STK32B: variants seen among roughly 807,000 people sequenced by gnomAD.
The protein encoded by STK32B is serine/threonine kinase 32B, also known as serine/threonine-protein kinase 32B.
Under a neutral mutation model 52.6 loss-of-function variants are expected in STK32B, and 43 were observed. That is an observed-to-expected ratio of 0.82 (90% confidence interval 0.64 to 1.05). The LOEUF (loss-of-function observed/expected upper bound fraction) is 1.05. Among genes scored for constraint, STK32B ranks in the 50% least tolerant of loss-of-function variants. STK32B has a pLI of 0.00. For synonymous variants in STK32B, 238 were observed against 204.3 expected (o/e 1.17, Z -1.41); for missense variants, 621 against 534.6 (o/e 1.16, Z -1.59).
intron 3 of STK32B, among the ~76,000 whole-genome samples, chr4:5,227,086 A>G (rs1311303572): frequency 3.9e-5 from 6 of 152,210 alleles, no homozygotes; most frequent in Admixed American, 3.3e-4. Context: ...TTTGGTTGAA[A>G]TATATGAAGA....
At chr4:5,496,912 G>C (rs1720313416) in intron 11 of STK32B, among the ~76,000 whole-genome samples, 1 of 152,096 alleles carries the variant, frequency 6.6e-6, no homozygotes, top group African/African-American at 2.4e-5. Context: ...GAGTTTTAGA[G>C]AAGTTTTGAA....
the STK32B span, among the ~76,000 whole-genome samples, chr4:5,031,904 C>T: frequency 6.6e-6 from 1 of 152,156 alleles, no homozygotes; most frequent in African/African-American, 2.4e-5. Context: ...TGGTCGCTCT[C>T]ACCAGATCTG....
chr4:5,271,145 C>T (rs1210822659), intron 3 of STK32B, among the ~76,000 whole-genome samples: 1 of 152,132 alleles, frequency 6.6e-6, no homozygotes, highest in Non-Finnish European at 1.5e-5. Context: ...ACCATGTTGG[C>T]CAAGCTGGTC....
chr4:5,197,551 C>A (rs934923513), intron 3 of STK32B, among the ~76,000 whole-genome samples: 5 of 152,174 alleles, frequency 3.3e-5, no homozygotes, highest in Admixed American at 1.3e-4. Context: ...CCTTATTTAT[C>A]TCCACTAAAA....
rs1049066875 is a variant in STK32B at position 5,301,069 on chromosome 4, A to G, written c.261-30151A>G. ...ATAAGTTTTATCTTTTATTCTATTA[A>G]TATTATATTTTAGACTGATTTTCGT... is the stretch of plus-strand genomic sequence containing the variant. On this transcript the variant is annotated intron_variant, in intron 3 of 11. Transcript: ENST00000282908. Among the ~76,000 whole-genome samples, 6 of 152,124 alleles carry G rather than the reference A, an allele frequency of 3.9e-5. No individual in the cohort carries two copies. In the East Asian group the frequency reaches 1.2e-3, roughly 29 times the overall value.
At chr4:5,183,799 A>G (rs1257120304) in intron 3 of STK32B, among the ~76,000 whole-genome samples, 1 of 152,130 alleles carries the variant, frequency 6.6e-6, no homozygotes, top group Non-Finnish European at 1.5e-5. Context: ...ATGTCCTGGA[A>G]ACAGCTTTTT....
In STK32B at chr4:5,140,279, T is replaced by C. The variant is rs565449184; in HGVS notation, c.108+319T>C. 3.7e-6 allele frequency: 5 copies of C among 1,369,454 alleles called. No homozygotes were observed. In the South Asian group the frequency reaches 4.9e-5, roughly 13 times the overall value. The allele number at this position is 1,369,454 out of a possible 1,614,324, so 84.8% of individuals were successfully genotyped here. A position where few individuals can be genotyped will look rare whatever the true frequency, so the allele number is the denominator to read the frequency against. On this transcript the variant is annotated intron_variant, in intron 2 of 11. Coordinates refer to ENST00000282908, the MANE Select transcript of STK32B (RefSeq NM_018401.3). ...CATAAACATCACAAAGGCAGCTCTT[T>C]CCAGCAACATAGACGTTTGTTGTTT... is the stretch of plus-strand genomic sequence containing the variant.
intron 9 of STK32B, 109 bp from the exon 10 acceptor site, chr4:5,466,594 T>C (rs1717451760): frequency 7.2e-7 from 1 of 1,379,342 alleles, no homozygotes; most frequent in South Asian, 1.5e-5. Context: ...CCAACAAGAG[T>C]AAGTTCATCA....
chr4:5,460,354 T>A lies in STK32B; in HGVS notation c.909+126T>A. On this transcript the variant is annotated intron_variant, in intron 9 of 11. Coordinates refer to ENST00000282908, the MANE Select transcript of STK32B (RefSeq NM_018401.3). This position sits in a 1 kb window ranked among gnomAD's most constrained non-coding sequence, Gnocchi z 4.8. ...CCACTTCCACCTGAGCACCAAGGGC[T>A]TATGTCTTGCTGGAATTCAGGGTGA... 7.1e-7 allele frequency: 1 copy of A among 1,413,944 alleles called. No individual in the cohort carries two copies. The highest frequency in any genetic ancestry group is 2.4e-5 in the East Asian group (1 of 42,350). 87.6% of individuals were successfully genotyped at this position (1,413,944 alleles called of 1,614,324 possible).
At chr4:5,112,286 ATC>A (rs1714446001) in intron 1 of STK32B, among the ~76,000 whole-genome samples, 1 of 152,162 alleles carries the variant, frequency 6.6e-6, no homozygotes, top group East Asian at 1.9e-4. Context: ...TAGAATGTAG[ATC>A]TATATAAAAA....
intron 5 of STK32B, among the ~76,000 whole-genome samples, chr4:5,411,285 T>G (rs1241517188): frequency 6.6e-6 from 1 of 152,082 alleles, no homozygotes; most frequent in Non-Finnish European, 1.5e-5. Context: ...TCTGCCCACC[T>G]CGGCCTCCCA....
At chr4:5,391,507 G>C (rs1736596191) in intron 4 of STK32B, among the ~76,000 whole-genome samples, 1 of 152,188 alleles carries the variant, frequency 6.6e-6, no homozygotes, top group Non-Finnish European at 1.5e-5. Flanking sequence ...AATATCCCAG[G>C]AGAAGATTGC....
At chr4:5,149,606 C>T (rs919348385) in intron 2 of STK32B, among the ~76,000 whole-genome samples, 5 of 151,848 alleles carry the variant, frequency 3.3e-5, no homozygotes, top group Admixed American at 2.0e-4. Flanking sequence ...GAAAACCTTA[C>T]AACTGTAGAG....
intron 5 of STK32B, among the ~76,000 whole-genome samples, chr4:5,414,521 G>C (rs1053701179): frequency 2.9e-4 from 44 of 152,258 alleles, no homozygotes; most frequent in African/African-American, 1.0e-3. Flanking sequence ...GGATGTCATA[G>C]ATAGACCTAT....
intron 2 of STK32B, among the ~76,000 whole-genome samples, chr4:5,154,332 C>T (rs948225962): frequency 1.1e-4 from 17 of 151,896 alleles, no homozygotes; most frequent in Admixed American, 1.0e-3. Context: ...TCTGCTGCCT[C>T]AGCCTCCCAA....
intron 6 of STK32B, among the ~76,000 whole-genome samples, chr4:5,422,321 G>T (rs905001283): frequency 6.6e-6 from 1 of 152,192 alleles, no homozygotes; most frequent in African/African-American, 2.4e-5. Context: ...CAAGTGGCAG[G>T]TTTGTTTATT....
intron 3 of STK32B, among the ~76,000 whole-genome samples, chr4:5,217,176 T>G (rs16836889): frequency 0.037 from 5,653 of 152,318 alleles, 320 homozygotes; most frequent in African/African-American, 0.12. Flanking sequence ...ATACAATACA[T>G]AATTTGAATT....
intron 3 of STK32B, among the ~76,000 whole-genome samples, chr4:5,223,270 A>T (rs1273847375): frequency 6.6e-6 from 1 of 152,102 alleles, no homozygotes; most frequent in Admixed American, 6.5e-5. Flanking sequence ...GAGTCCTGAG[A>T]CTCAGGCAAA....
chr4:5,072,325 C>G (rs753683281), intron 1 of STK32B, among the ~76,000 whole-genome samples: 1 of 152,138 alleles, frequency 6.6e-6, no homozygotes, highest in Non-Finnish European at 1.5e-5. Flanking sequence ...AATTGCACTC[C>G]TGCTTCTCTT....
Sources: allele counts gnomAD v4.1 joint callset (sites outside exome capture counted in the v4.1 genomes callset), GRCh38; gene constraint gnomAD v4.1.1; non-coding constraint Gnocchi (gnomAD v3.1); transcripts MANE v1.5; gene names NCBI Gene and HGNC (gene_info 2026-07-23, HGNC 2026-07-21).